The following ANKS6 variants were observed in gnomAD, a reference collection of about 807,000 sequenced individuals.
The protein encoded by ANKS6 is ankyrin repeat and sterile alpha motif domain containing 6.
In ANKS6, 47 loss-of-function variants were observed where a neutral mutation model predicts 77.9. The ratio of observed to expected loss-of-function variants is 0.60; its 90% confidence interval spans 0.48 to 0.77. ANKS6 has a LOEUF of 0.77. Ranked by LOEUF, ANKS6 falls within the 30% of genes least tolerant of loss-of-function variation. The pLI, the probability that ANKS6 is intolerant of heterozygous loss-of-function variation, is 0.00. For synonymous variants in ANKS6, 488 were observed against 501.7 expected, an observed-to-expected ratio of 0.97 and a Z score of 0.37; for missense variants, 1,150 against 1,159.1, an observed-to-expected ratio of 0.99 and a Z score of 0.11.
intron 1 of ANKS6, among the ~76,000 whole-genome samples, chr9:98,794,829 C>T (rs1835090101): frequency 6.6e-6 from 1 of 152,128 alleles, no homozygotes; most frequent in Admixed American, 6.5e-5. Flanking sequence ...GGAGCCTCTT[C>T]TCACACAGAG....
intron 14 of ANKS6, among the ~76,000 whole-genome samples, chr9:98,740,080 T>C (rs1588316318): frequency 6.6e-6 from 1 of 152,200 alleles, no homozygotes; most frequent in Admixed American, 6.5e-5. Flanking sequence ...AAATTAAAAA[T>C]GTATCATCTC....
chr9:98,752,851 G>A (rs768030382), intron 12 of ANKS6, among the ~76,000 whole-genome samples: 1 of 152,198 alleles, frequency 6.6e-6, no homozygotes, highest in Non-Finnish European at 1.5e-5. Flanking sequence ...TGTGGGGACA[G>A]AGAGAACAGC....
In ANKS6 at chr9:98,747,473, C is replaced by T. The variant is rs1199784220; in HGVS notation, c.2395-1798G>A. Among the ~76,000 whole-genome samples, 4 of 152,106 alleles carry T rather than the reference C, an allele frequency of 2.6e-5. No homozygotes were observed. The East Asian group carries it at 5.8e-4, about 22-fold the overall frequency. ...TCCTTAGCCCCCTCTGAGATGCAGGCACCCCCACCTCTCTGGCAACAGTAA... is the reference window on the plus strand; with the variant it reads ...TCCTTAGCCCCCTCTGAGATGCAGGTACCCCCACCTCTCTGGCAACAGTAA... On this transcript the variant is annotated intron_variant, in intron 13 of 14. Coordinates refer to ENST00000353234, the MANE Select transcript of ANKS6 (RefSeq NM_173551.5).
chr9:98,795,125 AGTC>A (rs1315709686), intron 1 of ANKS6, among the ~76,000 whole-genome samples: 1 of 152,126 alleles, frequency 6.6e-6, no homozygotes, highest in East Asian at 1.9e-4. Flanking sequence ...CCCAAGGGCC[AGTC>A]GTCAACTCCT....
chr9:98,739,948 G>A (rs1319823728), intron 14 of ANKS6, among the ~76,000 whole-genome samples: 1 of 151,460 alleles, frequency 6.6e-6, no homozygotes, highest in Non-Finnish European at 1.5e-5. Flanking sequence ...GTAGAGACGG[G>A]GTTTCACCAT....
At chr9:98,757,802 C>A (rs970638972) in intron 11 of ANKS6, among the ~76,000 whole-genome samples, 3 of 152,014 alleles carry the variant, frequency 2.0e-5, no homozygotes, top group African/African-American at 7.2e-5. Context: ...GTGGTGGGTG[C>A]CTGTAGTCCT....
At chr9:98,745,422 G>A (rs186927499) in intron 14 of ANKS6, 137 bp downstream of exon 14, 5 of 813,620 alleles carry the variant, frequency 6.1e-6, no homozygotes, top group South Asian at 5.1e-5. Flanking sequence ...GTCCGAAAAG[G>A]GAAAAGGCCA....
At chr9:98,766,370 A>G (rs1186046918) in intron 11 of ANKS6, among the ~76,000 whole-genome samples, 1 of 152,228 alleles carries the variant, frequency 6.6e-6, no homozygotes, top group Non-Finnish European at 1.5e-5. Flanking sequence ...AACACATCCA[A>G]TAAGACCATC....
chr9:98,754,604 T>C (rs1832599724), intron 12 of ANKS6, among the ~76,000 whole-genome samples: 1 of 151,226 alleles, frequency 6.6e-6, no homozygotes. Flanking sequence ...ATCGCGCCAC[T>C]GCACTCCAGC....
At chr9:98,786,119 C>G (rs1834550205) in intron 2 of ANKS6, among the ~76,000 whole-genome samples, 1 of 151,868 alleles carries the variant, frequency 6.6e-6, no homozygotes, top group Non-Finnish European at 1.5e-5. Flanking sequence ...GCTGGGATGA[C>G]AGGCACACGC....
chr9:98,795,459 T>C (rs1835122515), intron 1 of ANKS6, among the ~76,000 whole-genome samples: 1 of 152,172 alleles, frequency 6.6e-6, no homozygotes, highest in South Asian at 2.1e-4. Flanking sequence ...CCCTGGCATC[T>C]GCCTTCTCTC....
At chr9:98,739,758 A>ATTGTTTTTTTTTTTT (rs1831712689) in intron 14 of ANKS6, among the ~76,000 whole-genome samples, 2 of 88,858 alleles carry the variant, frequency 2.3e-5, no homozygotes, top group African/African-American at 5.2e-5. Flanking sequence ...TGGATTAAAC[A>ATTGTTTTTTTTTTTT]TTTTTTTTTT....
intron 1 of ANKS6, among the ~76,000 whole-genome samples, chr9:98,792,455 C>T (rs1202707075): frequency 6.6e-6 from 1 of 152,156 alleles, no homozygotes; most frequent in Non-Finnish European, 1.5e-5. Flanking sequence ...GTGGCTGATC[C>T]ACATCGGAGC....
In ANKS6 at chr9:98,791,273, T is replaced by A. The variant is rs368274025; in HGVS notation, c.360-667A>T. Among the ~76,000 whole-genome samples the A allele has an allele frequency of 2.4e-4, 36 of 152,130 alleles. No homozygotes were observed. Among genetic ancestry groups the A allele is most frequent in the East Asian group, 9.7e-4 (5 of 5,156 alleles). ...CCCATCCCCAAAAGCACACACCCCA[T>A]GCCAAGAGGTGTGGCAAGGTTGTGG... On this transcript the variant is annotated intron_variant, in intron 1 of 14. Transcript: ENST00000353234. This position sits in a 1 kb window ranked among gnomAD's most constrained non-coding sequence, Gnocchi z 4.3.
At chr9:98,763,928 A>G (rs1367490004) in intron 11 of ANKS6, among the ~76,000 whole-genome samples, 3 of 152,166 alleles carry the variant, frequency 2.0e-5, no homozygotes, top group Non-Finnish European at 4.4e-5. Flanking sequence ...CCAAGTAGAA[A>G]TAGAACACCT....
At position 98,735,054 on chromosome 9, in the gene ANKS6, G is replaced by A; in HGVS notation, c.*1465C>T. On this transcript the variant is annotated 3_prime_UTR_variant, in exon 15 of 15. Coordinates refer to ENST00000353234, the MANE Select transcript of ANKS6 (RefSeq NM_173551.5). ...GCTGGGGGAGGGACAGATGAGAGAT[G>A]GCACCTCCCAAGGAGACCAACTTGT... is the stretch of plus-strand genomic sequence containing the variant. 4.1e-6 allele frequency: 4 copies of A among 985,404 alleles called. No individual in the cohort carries two copies. Among genetic ancestry groups the A allele is most frequent in the Non-Finnish European group, 4.8e-6 (4 of 829,916 alleles). 61.0% of individuals were successfully genotyped at this position (985,404 alleles called of 1,614,324 possible). A position where few individuals can be genotyped will look rare whatever the true frequency, so the allele number is the denominator to read the frequency against.
chr9:98,778,284 G>T lies in ANKS6; in HGVS notation c.1509C>A (p.Pro503=), dbSNP rs773213721. ...GTGCAGAGCGGCTTGTCTTGTCCTGGGGGGCAGCCCTCATTGTGGAGTCCA... is the reference window on the plus strand; with the variant it reads ...GTGCAGAGCGGCTTGTCTTGTCCTGTGGGGCAGCCCTCATTGTGGAGTCCA... ...PALDSTMRAA[P]QDKTSRSALP... Residue 503 remains proline (P), a synonymous_variant, in exon 7 of 15, where the codon CCC becomes CCA. Coordinates refer to ENST00000353234, the MANE Select transcript of ANKS6 (RefSeq NM_173551.5). The T allele has an allele frequency of 2.5e-6, 4 of 1,614,162 alleles. No individual in the cohort carries two copies. In the East Asian group the frequency reaches 8.9e-5, roughly 36 times the overall value.
At chr9:98,738,083 C>G (rs1371367659) in intron 14 of ANKS6, among the ~76,000 whole-genome samples, 5 of 152,130 alleles carry the variant, frequency 3.3e-5, no homozygotes, top group East Asian at 1.9e-4. Context: ...CAAAAATCAA[C>G]TCAAGATGGA....
At position 98,786,924 on chromosome 9, in the gene ANKS6, T is replaced by TG. The variant is rs542318690; in HGVS notation, c.863-2049dup. Among the ~76,000 whole-genome samples, 356 of 152,288 alleles carry TG rather than the reference T, an allele frequency of 2.3e-3. 1 individual carries two copies. The highest frequency in any genetic ancestry group is 8.3e-3 in the African/African-American group (345 of 41,554). On this transcript the variant is annotated intron_variant, in intron 2 of 14. Transcript: ENST00000353234. ...CTCTGGGCAGGTCCCTTCCTCGCTT[T>TG]GGGCTTCAGTTTTTTTCGTCTATAT...
Sources: allele counts gnomAD v4.1 joint callset (sites outside exome capture counted in the v4.1 genomes callset), GRCh38; gene constraint gnomAD v4.1.1; non-coding constraint Gnocchi (gnomAD v3.1); transcripts MANE v1.5; gene names NCBI Gene and HGNC (gene_info 2026-07-23, HGNC 2026-07-21).